Variants in GALNTL6 observed in about 807,000 individuals in gnomAD.
GALNTL6 encodes the protein polypeptide N-acetylgalactosaminyltransferase-like 6.
Under a neutral mutation model 73.7 loss-of-function variants are expected in GALNTL6, and 46 were observed. That is an observed-to-expected ratio of 0.62 (90% CI 0.49 to 0.80). The LOEUF (loss-of-function observed/expected upper bound fraction) is 0.80, where lower values mean the gene tolerates loss of function less well. Ranked by LOEUF, GALNTL6 falls within the 30% of genes least tolerant of loss-of-function variation. The pLI is 0.00. For synonymous variants in GALNTL6, 259 were observed against 263.7 expected, an observed-to-expected ratio of 0.98 and a Z score of 0.17; for missense variants, 604 against 755.0, an observed-to-expected ratio of 0.80 and a Z score of 2.34.
intron 2 of GALNTL6, among the ~76,000 whole-genome samples, chr4:171,923,258 G>A (rs1173754470): frequency 6.6e-6 from 1 of 152,130 alleles, no homozygotes; most frequent in African/African-American, 2.4e-5. Context: ...TAGAGACAGG[G>A]TTGACTTGCA....
intron 2 of GALNTL6, among the ~76,000 whole-genome samples, chr4:172,020,784 G>A (rs1024592519): frequency 6.6e-6 from 1 of 151,856 alleles, no homozygotes; most frequent in Non-Finnish European, 1.5e-5. Flanking sequence ...AAGGGTGGAG[G>A]AAATACTTCC....
intron 5 of GALNTL6, among the ~76,000 whole-genome samples, chr4:172,379,713 A>T (rs1008515131): frequency 3.3e-5 from 5 of 152,086 alleles, no homozygotes; most frequent in African/African-American, 1.2e-4. Context: ...CCTGGAGCTA[A>T]CCTGACAACT....
At chr4:172,414,726 C>T (rs958789698) in intron 5 of GALNTL6, among the ~76,000 whole-genome samples, 6 of 152,052 alleles carry the variant, frequency 3.9e-5, no homozygotes, top group South Asian at 4.1e-4. Flanking sequence ...AACTTAACTC[C>T]GTCACCTACT....
chr4:172,849,354 GTGAAAAAA>G (rs1394806147), intron 7 of GALNTL6, among the ~76,000 whole-genome samples: 1 of 152,028 alleles, frequency 6.6e-6, no homozygotes, highest in Non-Finnish European at 1.5e-5. Context: ...ACAAAAGAAA[GTGAAAAAA>G]TGTCTCATTC....
chr4:172,312,334 A>G (rs1014323720), intron 4 of GALNTL6, among the ~76,000 whole-genome samples: 1 of 152,180 alleles, frequency 6.6e-6, no homozygotes, highest in African/African-American at 2.4e-5. Context: ...TGATACTACT[A>G]TATATACTTA....
intron 7 of GALNTL6, among the ~76,000 whole-genome samples, chr4:172,866,402 A>C (rs1744666454): frequency 6.6e-6 from 1 of 152,232 alleles, no homozygotes; most frequent in African/African-American, 2.4e-5. Context: ...GACATCAGTC[A>C]GATCACTGAA....
At chr4:173,030,150 T>G (rs183391669) in intron 12 of GALNTL6, among the ~76,000 whole-genome samples, 2 of 152,188 alleles carry the variant, frequency 1.3e-5, no homozygotes, top group East Asian at 3.9e-4. Context: ...AGAGGACTTA[T>G]GTTATCCTAA....
intron 7 of GALNTL6, among the ~76,000 whole-genome samples, chr4:172,858,224 A>G (rs373171755): frequency 3.3e-5 from 5 of 152,204 alleles, no homozygotes; most frequent in South Asian, 4.2e-4. Context: ...CTTTCACTGT[A>G]TGCCAACTTT....
At chr4:172,477,935 A>G (rs1364393635) in intron 5 of GALNTL6, among the ~76,000 whole-genome samples, 1 of 152,152 alleles carries the variant, frequency 6.6e-6, no homozygotes, top group African/African-American at 2.4e-5. Context: ...AAACTTCTGC[A>G]TTATTTTTTC....
intron 7 of GALNTL6, among the ~76,000 whole-genome samples, chr4:172,864,648 T>C (rs1021228117): frequency 2.0e-5 from 3 of 152,146 alleles, no homozygotes; most frequent in Admixed American, 1.3e-4. Flanking sequence ...TAAGATAAAA[T>C]GGGAAAGTGA....
At chr4:172,946,124 C>CGTGTGTGT (rs71594019) in intron 9 of GALNTL6, among the ~76,000 whole-genome samples, 56 of 148,532 alleles carry the variant, frequency 3.8e-4, no homozygotes, top group Admixed American at 9.4e-4. Context: ...GGGGAAAAAG[C>CGTGTGTGT]GTGTGTGTGT....
At chr4:172,992,408 A>G (rs1751583390) in intron 10 of GALNTL6, among the ~76,000 whole-genome samples, 1 of 152,170 alleles carries the variant, frequency 6.6e-6, no homozygotes, top group Non-Finnish European at 1.5e-5. Flanking sequence ...TTTTTATTTT[A>G]TTTTACCAAT....
chr4:172,950,017 T>A (rs898239939), intron 9 of GALNTL6, among the ~76,000 whole-genome samples: 1 of 152,056 alleles, frequency 6.6e-6, no homozygotes, highest in Non-Finnish European at 1.5e-5. Flanking sequence ...TCATACAGAA[T>A]GTTTGTCAAA....
chr4:172,207,412 G>A (rs527801701), intron 2 of GALNTL6, among the ~76,000 whole-genome samples: 1 of 152,262 alleles, frequency 6.6e-6, no homozygotes, highest in South Asian at 2.1e-4. Context: ...AGGGATGGTG[G>A]TGCTCTTTCC....
intron 3 of GALNTL6, among the ~76,000 whole-genome samples, chr4:172,240,391 T>A (rs1737384548): frequency 7.6e-6 from 1 of 130,874 alleles, no homozygotes; most frequent in Non-Finnish European, 1.5e-5. Context: ...GCCCGGCTAA[T>A]TTTTTTTTTT....
chr4:172,851,904 C>A (rs1379358898), intron 7 of GALNTL6, among the ~76,000 whole-genome samples: 1 of 152,094 alleles, frequency 6.6e-6, no homozygotes, highest in Admixed American at 6.6e-5. Context: ...GGATGCTCTG[C>A]CTGATTAGAC....
chr4:172,738,925 A>G (rs926177385), intron 5 of GALNTL6, among the ~76,000 whole-genome samples: 3 of 152,200 alleles, frequency 2.0e-5, no homozygotes, highest in Non-Finnish European at 4.4e-5. Flanking sequence ...GTAGAAATAA[A>G]TGTCTGGGTT....
intron 11 of GALNTL6, among the ~76,000 whole-genome samples, chr4:173,020,793 C>A (rs1467611210): frequency 1.3e-5 from 2 of 152,194 alleles, no homozygotes; most frequent in East Asian, 3.8e-4. Flanking sequence ...GACTTTCTGG[C>A]CAGGCACAGT....
chr4:171,967,450 T>TTTTTTTGTTTG (rs10634189), intron 2 of GALNTL6, among the ~76,000 whole-genome samples: 25,600 of 133,132 alleles, frequency 0.19, 2,475 homozygotes, highest in South Asian at 0.25. Flanking sequence ...CCTATGGGTT[T>TTTTTTTGTTTG]TTTTTTTTTT....
Sources: gnomAD v4.1 joint callset for allele counts (sites outside exome capture counted in the v4.1 genomes callset) on GRCh38, gnomAD v4.1.1 for gene constraint, MANE v1.5 for transcripts, NCBI Gene and HGNC (gene_info 2026-07-23, HGNC 2026-07-21) for gene names.